Variants in CACNB2 observed in about 807,000 individuals in gnomAD.
CACNB2 encodes voltage-dependent L-type calcium channel subunit beta-2.
CACNB2 carries 42 observed loss-of-function variants against 73.3 expected under a neutral mutation model. The ratio of observed to expected loss-of-function variants is 0.57; its 90% CI spans 0.45 to 0.74. The LOEUF (loss-of-function observed/expected upper bound fraction) is 0.74. Among genes scored for constraint, CACNB2 ranks in the 30% least tolerant of loss-of-function variants. The pLI, the probability that CACNB2 is intolerant of heterozygous loss-of-function variation, is 0.00. For synonymous variants in CACNB2, 348 were observed against 310.3 expected (o/e 1.12, Z -1.28); for missense variants, 940 against 853.0 (o/e 1.10, Z -1.27).
intron 2 of CACNB2, among the ~76,000 whole-genome samples, chr10:18,185,535 T>G (rs182638580): frequency 6.6e-6 from 1 of 152,336 alleles, no homozygotes; most frequent in East Asian, 1.9e-4. Context: ...GAATTTGTTC[T>G]GGCATCTTGG....
intron 2 of CACNB2, among the ~76,000 whole-genome samples, chr10:18,354,470 A>C (rs2041833398): frequency 6.6e-6 from 1 of 152,174 alleles, no homozygotes; most frequent in South Asian, 2.1e-4. Context: ...GCCGAGCGCA[A>C]GACAGTTATG....
At chr10:18,290,167 A>C (rs7909722) in intron 2 of CACNB2, among the ~76,000 whole-genome samples, 1 of 126,886 alleles carries the variant, frequency 7.9e-6, no homozygotes. Flanking sequence ...AGCTGGGACT[A>C]TAAGCGCGCG....
At chr10:18,504,309 G>A (rs192295235) in intron 5 of CACNB2, among the ~76,000 whole-genome samples, 141 of 152,308 alleles carry the variant, frequency 9.3e-4, no homozygotes, top group Non-Finnish European at 1.6e-3. Context: ...TGACCTCCAC[G>A]CTGTACAGAC....
At chr10:18,162,001 G>T (rs1177407583) in intron 2 of CACNB2, among the ~76,000 whole-genome samples, 1 of 152,134 alleles carries the variant, frequency 6.6e-6, no homozygotes, top group Non-Finnish European at 1.5e-5. Flanking sequence ...TGACAGCCAT[G>T]AATAGACACA....
intron 3 of CACNB2, among the ~76,000 whole-genome samples, chr10:18,425,454 C>T (rs61841962): frequency 0.23 from 34,442 of 152,042 alleles, 4,230 homozygotes; most frequent in East Asian, 0.54. Context: ...ACTGCTTGAG[C>T]TGAGGAATTT....
chr10:18,211,331 C>T lies in CACNB2; in HGVS notation c.213+60356C>T, dbSNP rs1229750015. Among the ~76,000 whole-genome samples the T allele has an allele frequency of 2.0e-5, 3 of 152,220 alleles. No individual in the cohort carries two copies. The East Asian group carries it at 5.8e-4, about 29-fold the overall frequency. On this transcript the variant is annotated intron_variant, in intron 2 of 13. Coordinates refer to ENST00000324631, the MANE Select transcript of CACNB2 (RefSeq NM_201596.3). ...ACTAGTCTTTGAAATGCATAATTCC[C>T]CATTCTTTATTTAATCATTTATGAG...
chr10:18,405,312 T>C (rs979784131), intron 3 of CACNB2, among the ~76,000 whole-genome samples: 2 of 152,306 alleles, frequency 1.3e-5, no homozygotes, highest in Admixed American at 6.5e-5. Flanking sequence ...TATTCAACTT[T>C]TGTTTCTACA....
At chr10:18,435,718 T>G (rs895823156) in intron 3 of CACNB2, among the ~76,000 whole-genome samples, 1 of 152,136 alleles carries the variant, frequency 6.6e-6, no homozygotes, top group Non-Finnish European at 1.5e-5. Flanking sequence ...CAGGCTGGTC[T>G]CAAACTCCCA....
intron 2 of CACNB2, among the ~76,000 whole-genome samples, chr10:18,399,463 TC>T (rs2043880116): frequency 6.6e-6 from 1 of 152,172 alleles, no homozygotes; most frequent in Non-Finnish European, 1.5e-5. Flanking sequence ...AAACCCCTAT[TC>T]TACGTATTTT....
chr10:18,296,595 G>A (rs1376041577), intron 2 of CACNB2, among the ~76,000 whole-genome samples: 1 of 152,078 alleles, frequency 6.6e-6, no homozygotes, highest in Admixed American at 6.6e-5. Flanking sequence ...AAAGCATTAG[G>A]AAGTATGTGT....
intron 2 of CACNB2, among the ~76,000 whole-genome samples, chr10:18,288,085 C>A (rs2038882044): frequency 6.6e-6 from 1 of 152,174 alleles, no homozygotes; most frequent in Non-Finnish European, 1.5e-5. Context: ...TTTATAAGGA[C>A]ACCAGTCATA....
intron 3 of CACNB2, among the ~76,000 whole-genome samples, chr10:18,408,838 G>C (rs1380837228): frequency 6.6e-6 from 1 of 152,052 alleles, no homozygotes; most frequent in East Asian, 1.9e-4. Flanking sequence ...CTTACTACTA[G>C]TTTTCTTCAG....
intron 2 of CACNB2, among the ~76,000 whole-genome samples, chr10:18,397,525 G>A (rs2043775253): frequency 6.6e-6 from 1 of 151,634 alleles, no homozygotes; most frequent in South Asian, 2.1e-4. Flanking sequence ...ACATAAAAGT[G>A]GAAAAACAAT....
At chr10:18,415,791 G>A (rs1378343200) in intron 3 of CACNB2, among the ~76,000 whole-genome samples, 1 of 152,116 alleles carries the variant, frequency 6.6e-6, no homozygotes, top group Non-Finnish European at 1.5e-5. Context: ...ATTCGTAAGT[G>A]TACAATTGTA....
chr10:18,418,375 G>T (rs546152618), intron 3 of CACNB2, among the ~76,000 whole-genome samples: 2 of 152,340 alleles, frequency 1.3e-5, no homozygotes, highest in African/African-American at 4.8e-5. Flanking sequence ...TCCGCTGTCA[G>T]TTGTTTATTC....
At chr10:18,452,284 C>T (rs1195158130) in intron 3 of CACNB2, among the ~76,000 whole-genome samples, 1 of 151,974 alleles carries the variant, frequency 6.6e-6, no homozygotes, top group Non-Finnish European at 1.5e-5. Flanking sequence ...ATTGAATGGG[C>T]CCACGTGGTG....
intron 2 of CACNB2, among the ~76,000 whole-genome samples, chr10:18,245,675 G>A (rs1016833976): frequency 3.3e-5 from 5 of 151,984 alleles, no homozygotes; most frequent in African/African-American, 1.2e-4. Context: ...CACAAAATGT[G>A]TTTGGCCTTT....
chr10:18,530,282 G>A (rs1012062482), intron 10 of CACNB2, among the ~76,000 whole-genome samples: 21 of 152,232 alleles, frequency 1.4e-4, no homozygotes, highest in African/African-American at 4.6e-4. Context: ...CCAACCATGT[G>A]CCAGCCATTA....
At chr10:18,331,457 TAA>T (rs559677087) in intron 2 of CACNB2, among the ~76,000 whole-genome samples, 23 of 138,314 alleles carry the variant, frequency 1.7e-4, no homozygotes, top group Admixed American at 2.9e-4. Flanking sequence ...GCATCTCATT[TAA>T]AAAAAAAAAA....
Sources: gnomAD v4.1 joint callset for allele counts (sites outside exome capture counted in the v4.1 genomes callset) on GRCh38, gnomAD v4.1.1 for gene constraint, MANE v1.5 for transcripts, NCBI Gene and HGNC (gene_info 2026-07-23, HGNC 2026-07-21) for gene names.